The following TMC1 variants were observed in gnomAD, a reference collection of about 807,000 sequenced individuals.
TMC1 encodes the protein transmembrane channel like 1, also known as transmembrane channel-like protein 1.
TMC1 carries 84 observed loss-of-function variants against 105.8 expected under a neutral mutation model. That is an observed-to-expected ratio of 0.79 (90% CI 0.67 to 0.95). TMC1 has a LOEUF of 0.95. TMC1 is among the 40% of genes least tolerant of loss of function. The pLI, the probability that TMC1 is intolerant of heterozygous loss-of-function variation, is 0.00. For missense variants in TMC1, 817 were observed against 914.1 expected, an observed-to-expected ratio of 0.89 and a Z score of 1.37; for synonymous variants, 315 against 311.5, an observed-to-expected ratio of 1.01 and a Z score of -0.12.
At chr9:72,572,101 G>T (rs1824297131) in intron 1 of TMC1, among the ~76,000 whole-genome samples, 1 of 151,920 alleles carries the variant, frequency 6.6e-6, no homozygotes, top group African/African-American at 2.4e-5. Flanking sequence ...CTCCCAAAGT[G>T]CTGGGATTAC....
chr9:72,740,714 T>C (rs1311906816), intron 9 of TMC1, among the ~76,000 whole-genome samples: 2 of 152,210 alleles, frequency 1.3e-5, no homozygotes, highest in Non-Finnish European at 2.9e-5. Flanking sequence ...TGAATTCTTT[T>C]ATAAAGTTAT....
chr9:72,715,119 C>T (rs764851648), intron 8 of TMC1, among the ~76,000 whole-genome samples: 26 of 152,310 alleles, frequency 1.7e-4, no homozygotes, highest in Admixed American at 6.5e-4. Flanking sequence ...AGGGTTTCTG[C>T]AGAGAGATCT....
intron 1 of TMC1, among the ~76,000 whole-genome samples, chr9:72,539,135 C>A (rs1214398960): frequency 6.6e-6 from 1 of 151,746 alleles, no homozygotes; most frequent in African/African-American, 2.4e-5. Flanking sequence ...GAGAGGCAGG[C>A]ACTTTGGAAG....
chr9:72,626,095 A>G (rs957724011), intron 3 of TMC1, among the ~76,000 whole-genome samples: 1 of 152,148 alleles, frequency 6.6e-6, no homozygotes. Context: ...CCAGCTAGTC[A>G]AGTCTTCCCA....
At chr9:72,786,775 T>C (rs780277016) in intron 13 of TMC1, among the ~76,000 whole-genome samples, 1 of 152,156 alleles carries the variant, frequency 6.6e-6, no homozygotes, top group African/African-American at 2.4e-5. Flanking sequence ...TCCCACATGT[T>C]AGATGTTCCC....
At chr9:72,534,381 C>G (rs1202845838) in intron 1 of TMC1, among the ~76,000 whole-genome samples, 1 of 151,934 alleles carries the variant, frequency 6.6e-6, no homozygotes, top group Non-Finnish European at 1.5e-5. Flanking sequence ...CAGCAGTTTA[C>G]AGAAAAAGTG....
chr9:72,558,347 G>A (rs1036757023), intron 1 of TMC1, among the ~76,000 whole-genome samples: 3 of 152,114 alleles, frequency 2.0e-5, no homozygotes, highest in Non-Finnish European at 2.9e-5. Flanking sequence ...CTAGCATCTT[G>A]GTGGCCCAGC....
chr9:72,577,771 T>C (rs565181397), intron 1 of TMC1, 131 bp from the exon 2 acceptor site: 4 of 152,296 alleles, frequency 2.6e-5, no homozygotes, highest in Non-Finnish European at 5.9e-5. Context: ...AATAGCTTGC[T>C]GAAAAACATG....
intron 10 of TMC1, among the ~76,000 whole-genome samples, chr9:72,750,421 C>T (rs1025491806): frequency 2.0e-5 from 3 of 152,186 alleles, no homozygotes; most frequent in African/African-American, 7.2e-5. Flanking sequence ...GGAAAGCTAG[C>T]AACTTGGTGC....
intron 4 of TMC1, among the ~76,000 whole-genome samples, chr9:72,641,542 G>A (rs1825627161): frequency 6.6e-6 from 1 of 152,196 alleles, no homozygotes; most frequent in South Asian, 2.1e-4. Context: ...AGTGCCAAAA[G>A]TAGGGTCCTT....
chr9:72,720,134 G>A (rs1219626077), intron 8 of TMC1, among the ~76,000 whole-genome samples: 1 of 152,012 alleles, frequency 6.6e-6, no homozygotes, highest in Non-Finnish European at 1.5e-5. Context: ...TTACTATTTT[G>A]ACTTTACATA....
At chr9:72,563,697 G>C (rs573035295) in intron 1 of TMC1, among the ~76,000 whole-genome samples, 2 of 151,882 alleles carry the variant, frequency 1.3e-5, no homozygotes, top group Admixed American at 6.6e-5. Flanking sequence ...CCAGGAGCTC[G>C]AGACCAGCCT....
intron 1 of TMC1, among the ~76,000 whole-genome samples, chr9:72,536,231 A>G (rs776149702): frequency 2.0e-5 from 3 of 152,234 alleles, no homozygotes; most frequent in African/African-American, 2.4e-5. Flanking sequence ...TCCATGATAC[A>G]ATGGTTGTAC....
intron 8 of TMC1, 118 bp downstream of exon 8, chr9:72,700,761 TACACAC>T (rs10645769): frequency 2.1e-4 from 32 of 153,384 alleles, no homozygotes; most frequent in East Asian, 2.0e-3. Flanking sequence ...CACACACACA[TACACAC>T]ACACACACAC....
intron 23 of TMC1, among the ~76,000 whole-genome samples, chr9:72,833,264 A>G (rs923640068): frequency 6.6e-6 from 1 of 152,202 alleles, no homozygotes; most frequent in African/African-American, 2.4e-5. Flanking sequence ...CTCAGGATTC[A>G]TAATTCATAA....
chr9:72,722,438 T>G (rs563283312), intron 8 of TMC1, among the ~76,000 whole-genome samples: 2 of 152,338 alleles, frequency 1.3e-5, no homozygotes, highest in African/African-American at 4.8e-5. Context: ...ATCTCCCGTT[T>G]GAGCCTCTTT....
At chr9:72,756,630 T>C (rs537973916) in intron 12 of TMC1, among the ~76,000 whole-genome samples, 61 of 152,334 alleles carry the variant, frequency 4.0e-4, no homozygotes, top group African/African-American at 1.5e-3. Flanking sequence ...ACTTCCAGTC[T>C]GCTTAATAAG....
At chr9:72,777,480 G>A (rs1828024458) in intron 13 of TMC1, among the ~76,000 whole-genome samples, 1 of 152,124 alleles carries the variant, frequency 6.6e-6, no homozygotes, top group Non-Finnish European at 1.5e-5. Context: ...GTTATGGAAG[G>A]GTAAGTGGAC....
chr9:72,638,484 A>G (rs1410529782), intron 4 of TMC1, among the ~76,000 whole-genome samples: 1 of 152,002 alleles, frequency 6.6e-6, no homozygotes, highest in Non-Finnish European at 1.5e-5. Context: ...CACAATCGAC[A>G]CTCATGCTCA....
Sources: allele counts gnomAD v4.1 joint callset (sites outside exome capture counted in the v4.1 genomes callset), GRCh38; gene constraint gnomAD v4.1.1; transcripts MANE v1.5; gene names NCBI Gene and HGNC (gene_info 2026-07-23, HGNC 2026-07-21).